SYNDIG1: variants seen among roughly 807,000 people sequenced by gnomAD.
The protein encoded by SYNDIG1 is synapse differentiation-inducing gene protein 1.
A neutral mutation model predicts 19.4 loss-of-function variants in SYNDIG1; 9 were observed. The ratio of observed to expected loss-of-function variants is 0.46; its 90% CI spans 0.28 to 0.81. The LOEUF (loss-of-function observed/expected upper bound fraction) is 0.81. SYNDIG1 is among the 30% of genes least tolerant of loss of function. The pLI is 0.12. For synonymous variants in SYNDIG1, 141 were observed against 145.9 expected (o/e 0.97, Z 0.24); for missense variants, 311 against 343.3 (o/e 0.91, Z 0.74).
At chr20:24,600,050 A>C (rs2058656358) in intron 3 of SYNDIG1, among the ~76,000 whole-genome samples, 1 of 152,220 alleles carries the variant, frequency 6.6e-6, no homozygotes, top group Non-Finnish European at 1.5e-5. Flanking sequence ...AATTTGTACA[A>C]ATTTTTAAAA....
At chr20:24,477,444 A>G (rs2055665869) in intron 1 of SYNDIG1, among the ~76,000 whole-genome samples, 1 of 152,094 alleles carries the variant, frequency 6.6e-6, no homozygotes, top group Non-Finnish European at 1.5e-5. Context: ...TCCCACCCAG[A>G]GTCTGGCACT....
At chr20:24,610,687 C>T (rs1241589484) in intron 3 of SYNDIG1, among the ~76,000 whole-genome samples, 1 of 152,142 alleles carries the variant, frequency 6.6e-6, no homozygotes, top group Admixed American at 6.5e-5. Flanking sequence ...GGGAGTTGCC[C>T]CAAGTTGGCT....
intron 3 of SYNDIG1, among the ~76,000 whole-genome samples, chr20:24,651,360 T>C (rs141044737): frequency 1.8e-4 from 28 of 152,300 alleles, no homozygotes; most frequent in African/African-American, 6.7e-4. Context: ...AAGGGGATGA[T>C]GCAAGAGATT....
At position 24,499,592 on chromosome 20, in the gene SYNDIG1, C is replaced by T. The variant is rs902540838; in HGVS notation, c.-79+29839C>T. On this transcript the variant is annotated intron_variant, in intron 1 of 3. Coordinates refer to ENST00000376862, the MANE Select transcript of SYNDIG1 (RefSeq NM_024893.3). Reference sequence around the variant, plus strand: ...GCGCCAACCTTTGATGGCATAAACACTTACAGCAACTAATGTGGACTAGAA... The same window carrying T: ...GCGCCAACCTTTGATGGCATAAACATTTACAGCAACTAATGTGGACTAGAA... 3.9e-5 allele frequency among the ~76,000 whole-genome samples: 6 copies of T among 152,214 alleles called. No homozygotes were observed. In the East Asian group the frequency reaches 9.6e-4, roughly 24 times the overall value.
intron 1 of SYNDIG1, among the ~76,000 whole-genome samples, chr20:24,541,371 G>A (rs933744599): frequency 2.6e-5 from 4 of 151,948 alleles, no homozygotes; most frequent in East Asian, 1.9e-4. Context: ...TATTCACCAC[G>A]ACTCATGGTT....
intron 3 of SYNDIG1, among the ~76,000 whole-genome samples, chr20:24,609,256 G>A (rs955243403): frequency 2.0e-5 from 3 of 152,202 alleles, no homozygotes; most frequent in Non-Finnish European, 4.4e-5. Context: ...CCCAGACAGA[G>A]AGCATAGCAA....
chr20:24,645,988 T>C (rs2059419306), intron 3 of SYNDIG1, among the ~76,000 whole-genome samples: 1 of 152,124 alleles, frequency 6.6e-6, no homozygotes, highest in Non-Finnish European at 1.5e-5. Context: ...TGTGATCATG[T>C]AACCTTGTCC....
intron 1 of SYNDIG1, among the ~76,000 whole-genome samples, chr20:24,541,758 C>T (rs2057473552): frequency 2.0e-5 from 3 of 152,024 alleles, no homozygotes; most frequent in African/African-American, 4.8e-5. Context: ...TGAGTATCAT[C>T]GACTGAGAAA....
intron 1 of SYNDIG1, among the ~76,000 whole-genome samples, chr20:24,470,027 G>A (rs1035366973): frequency 3.9e-5 from 6 of 152,174 alleles, no homozygotes; most frequent in African/African-American, 1.2e-4. Context: ...AGGGGTCGAT[G>A]CTGGCCTGGG....
intron 3 of SYNDIG1, among the ~76,000 whole-genome samples, chr20:24,614,394 G>A (rs1439894119): frequency 7.9e-5 from 12 of 152,032 alleles, no homozygotes; most frequent in Admixed American, 7.9e-4. Flanking sequence ...ATACTTTTTT[G>A]TTTGTTTGTT....
intron 1 of SYNDIG1, among the ~76,000 whole-genome samples, chr20:24,535,716 G>C (rs2057347554): frequency 6.6e-6 from 1 of 152,186 alleles, no homozygotes; most frequent in Non-Finnish European, 1.5e-5. Context: ...TCTGAGTCTG[G>C]ACGGGCAGTT....
At chr20:24,665,316 T>C in intron 3 of SYNDIG1, 30 bp from the exon 4 acceptor site, 1 of 1,577,782 alleles carries the variant, frequency 6.3e-7, no homozygotes. Flanking sequence ...TTGCTTACAA[T>C]GACTTCCTTT....
At chr20:24,575,287 A>G (rs1206832939) in intron 2 of SYNDIG1, among the ~76,000 whole-genome samples, 6 of 152,246 alleles carry the variant, frequency 3.9e-5, no homozygotes, top group South Asian at 2.1e-4. Flanking sequence ...TCCCAAAGGA[A>G]GAAAACAAAA....
intron 3 of SYNDIG1, among the ~76,000 whole-genome samples, chr20:24,647,293 G>A (rs190234886): frequency 5.9e-5 from 9 of 152,280 alleles, no homozygotes; most frequent in African/African-American, 2.2e-4. Context: ...AGGGTACATG[G>A]CAGCACTTTC....
intron 3 of SYNDIG1, among the ~76,000 whole-genome samples, chr20:24,595,497 G>T (rs978899869): frequency 1.3e-5 from 2 of 152,168 alleles, no homozygotes. Flanking sequence ...GTACCAGGAT[G>T]ATACTGACCT....
chr20:24,630,771 C>T (rs2059228807), intron 3 of SYNDIG1, among the ~76,000 whole-genome samples: 1 of 152,248 alleles, frequency 6.6e-6, no homozygotes, highest in African/African-American at 2.4e-5. Context: ...TGCTGGGAAC[C>T]CTGCCTCTCT....
chr20:24,646,259 T>C (rs1298475469), intron 3 of SYNDIG1, among the ~76,000 whole-genome samples: 4 of 152,128 alleles, frequency 2.6e-5, no homozygotes, highest in African/African-American at 2.4e-5. Context: ...CCTATACACA[T>C]CAGTGATTTC....
intron 3 of SYNDIG1, among the ~76,000 whole-genome samples, chr20:24,630,304 G>A (rs537050804): frequency 1.3e-5 from 2 of 152,252 alleles, no homozygotes; most frequent in Admixed American, 6.5e-5. Flanking sequence ...GGACCTAGAG[G>A]ACTGGGACAC....
chr20:24,553,246 C>T (rs1467658633), intron 2 of SYNDIG1, among the ~76,000 whole-genome samples: 2 of 151,860 alleles, frequency 1.3e-5, no homozygotes, highest in African/African-American at 4.8e-5. Flanking sequence ...AAAATTTTCT[C>T]CCATTTTGTA....
Sources: gnomAD v4.1 joint callset for allele counts (sites outside exome capture counted in the v4.1 genomes callset) on GRCh38, gnomAD v4.1.1 for gene constraint, MANE v1.5 for transcripts, NCBI Gene and HGNC (gene_info 2026-07-23, HGNC 2026-07-21) for gene names.